The following ARMC2 variants were observed in gnomAD, a reference collection of about 807,000 sequenced individuals.
The protein encoded by ARMC2 is armadillo repeat-containing protein 2.
Under a neutral mutation model 90.3 loss-of-function variants are expected in ARMC2, and 67 were observed. The ratio of observed to expected loss-of-function variants is 0.74; its 90% CI spans 0.61 to 0.91. ARMC2 has a LOEUF of 0.91. Ranked by LOEUF, ARMC2 falls within the 40% of genes least tolerant of loss-of-function variation. The probability of loss-of-function intolerance (pLI) is 0.00; values close to 1 mark genes in which losing one functional copy is unlikely to be tolerated. For synonymous variants in ARMC2, 393 were observed against 393.0 expected, an observed-to-expected ratio of 1.00 and a Z score of 0.00; for missense variants, 920 against 1,030.9, an observed-to-expected ratio of 0.89 and a Z score of 1.47.
chr6:108,906,600 C>A (rs1230568506), intron 8 of ARMC2, among the ~76,000 whole-genome samples: 1 of 152,082 alleles, frequency 6.6e-6, no homozygotes, highest in East Asian at 1.9e-4. Context: ...TCTGCCTCAG[C>A]CTCCCGAGGA....
At chr6:108,887,238 T>A (rs537974532) in intron 5 of ARMC2, among the ~76,000 whole-genome samples, 2 of 152,108 alleles carry the variant, frequency 1.3e-5, no homozygotes, top group Admixed American at 1.3e-4. Context: ...TAAAGAAATA[T>A]ACTTGTATTT....
intron 5 of ARMC2, among the ~76,000 whole-genome samples, chr6:108,881,347 C>G (rs552421227): frequency 1.6e-5 from 1 of 61,434 alleles, no homozygotes; most frequent in African/African-American, 4.7e-5. Flanking sequence ...CCAACAGGGA[C>G]GGTTTATGGT....
intron 11 of ARMC2, among the ~76,000 whole-genome samples, chr6:108,929,379 GT>G (rs1396121147): frequency 6.6e-6 from 1 of 152,094 alleles, no homozygotes; most frequent in African/African-American, 2.4e-5. Context: ...ATAATTTCAG[GT>G]TTGTTTCTGG....
chr6:109,026,398 G>C, the ARMC2 span, among the ~76,000 whole-genome samples: 3 of 152,188 alleles, frequency 2.0e-5, no homozygotes, highest in African/African-American at 7.2e-5. Flanking sequence ...CACCTACCCA[G>C]AATAGTACAT....
chr6:108,938,937 T>G lies in ARMC2; in HGVS notation c.1596+1938T>G, dbSNP rs555280641. The stretch of plus-strand genomic sequence containing the variant: ...GAGAGACTAGAGATATCAGTATGGC[T>G]AAGAGTATGCTTTTTCTAGTTTGAG... On this transcript the variant is annotated intron_variant, in intron 12 of 17. Coordinates refer to ENST00000392644, the MANE Select transcript of ARMC2 (RefSeq NM_032131.6). 2.0e-5 allele frequency among the ~76,000 whole-genome samples: 3 copies of G among 152,326 alleles called. No homozygotes were observed. The South Asian group carries it at 6.2e-4, about 32-fold the overall frequency.
At chr6:108,992,110 A>T in the ARMC2 span, among the ~76,000 whole-genome samples, 262 of 151,742 alleles carry the variant, frequency 1.7e-3, 8 homozygotes, top group South Asian at 0.053. Context: ...CTTATTTATT[A>T]TTTTTTGAGA....
the ARMC2 span, among the ~76,000 whole-genome samples, chr6:109,028,770 C>T: frequency 2.1e-3 from 325 of 152,220 alleles, 1 homozygote; most frequent in Non-Finnish European, 3.7e-3. Flanking sequence ...AGAACAAAGA[C>T]TGGGTCACGA....
intron 17 of ARMC2, among the ~76,000 whole-genome samples, chr6:108,966,859 C>T (rs1397155861): frequency 6.6e-6 from 1 of 152,188 alleles, no homozygotes; most frequent in Non-Finnish European, 1.5e-5. Flanking sequence ...AATCTGTGTT[C>T]AAAGTTCCAC....
intron 10 of ARMC2, among the ~76,000 whole-genome samples, chr6:108,919,556 A>G (rs1026120244): frequency 6.6e-6 from 1 of 152,208 alleles, no homozygotes; most frequent in Non-Finnish European, 1.5e-5. Context: ...CCAAATTTAA[A>G]GCATTTATTT....
rs35715301 is a variant in ARMC2 at position 108,923,618 on chromosome 6, C to CTTT, written c.1351-4456_1351-4454dup. ...TTAGCTAGACTCTCCTCCCCACACC[C>CTTT]TTTTTTTTTTTTTTTTCCTGCATTT... is the stretch of plus-strand genomic sequence containing the variant. On this transcript the variant is annotated intron_variant, in intron 10 of 17. Transcript: ENST00000392644. 5.0e-4 allele frequency among the ~76,000 whole-genome samples: 69 copies of CTTT among 137,254 alleles called. 1 individual carries two copies. In the East Asian group the frequency reaches 5.7e-3, roughly 11 times the overall value. 90.0% of individuals were successfully genotyped at this position (137,254 alleles called of 152,430 possible).
the ARMC2 span, among the ~76,000 whole-genome samples, chr6:109,025,579 T>C: frequency 6.7e-6 from 1 of 150,066 alleles, no homozygotes; most frequent in Non-Finnish European, 1.5e-5. Flanking sequence ...CAGTTCAATA[T>C]GCTTTTTAAA....
At chr6:109,000,752 G>C in the ARMC2 span, 1 of 1,158,528 alleles carries the variant, frequency 8.6e-7, no homozygotes, top group Non-Finnish European at 1.1e-6. Context: ...ACATGCAAAA[G>C]AGCTAATTAA....
At chr6:109,009,868 C>T in the ARMC2 span, among the ~76,000 whole-genome samples, 1 of 152,060 alleles carries the variant, frequency 6.6e-6, no homozygotes, top group Non-Finnish European at 1.5e-5. Context: ...CCCCCTACAC[C>T]CCTGCTCGGC....
intron 11 of ARMC2, among the ~76,000 whole-genome samples, chr6:108,933,500 C>T (rs755878594): frequency 3.3e-5 from 5 of 152,040 alleles, no homozygotes; most frequent in Admixed American, 1.3e-4. Context: ...GTAGAATCAT[C>T]TGTGAGTGTT....
chr6:108,872,919 C>T (rs557524233), intron 4 of ARMC2, among the ~76,000 whole-genome samples: 2 of 152,320 alleles, frequency 1.3e-5, no homozygotes, highest in South Asian at 4.1e-4. Flanking sequence ...TGGAGAGTCT[C>T]TGCACATGAG....
At chr6:109,029,059 A>G in the ARMC2 span, among the ~76,000 whole-genome samples, 1 of 152,218 alleles carries the variant, frequency 6.6e-6, no homozygotes, top group African/African-American at 2.4e-5. Flanking sequence ...GATTTAGTGT[A>G]TAAAGATGGT....
chr6:108,990,555 G>C, the ARMC2 span: 39 of 1,135,978 alleles, frequency 3.4e-5, no homozygotes, highest in Non-Finnish European at 4.8e-5. Context: ...TTTTGATTAT[G>C]TGTGTGTCTA....
At chr6:109,035,443 C>G in the ARMC2 span, among the ~76,000 whole-genome samples, 1 of 151,676 alleles carries the variant, frequency 6.6e-6, no homozygotes, top group African/African-American at 2.4e-5. Context: ...CGGGAGAAAG[C>G]TGACATATGG....
intron 11 of ARMC2, among the ~76,000 whole-genome samples, chr6:108,934,965 A>G (rs539717816): frequency 1.3e-5 from 2 of 152,118 alleles, no homozygotes; most frequent in Non-Finnish European, 2.9e-5. Context: ...TAAGATATGT[A>G]TTATTATTGT....
Sources: allele counts gnomAD v4.1 joint callset (sites outside exome capture counted in the v4.1 genomes callset), GRCh38; gene constraint gnomAD v4.1.1; transcripts MANE v1.5; gene names NCBI Gene and HGNC (gene_info 2026-07-23, HGNC 2026-07-21).